PPARGC1B: variants seen among roughly 807,000 people sequenced by gnomAD.
PPARGC1B encodes the protein peroxisome proliferator-activated receptor gamma coactivator 1-beta.
PPARGC1B carries 34 observed loss-of-function variants against 101.6 expected under a neutral mutation model. The ratio of observed to expected loss-of-function variants is 0.33; its 90% CI spans 0.25 to 0.45. The LOEUF is 0.45. PPARGC1B is among the 20% of genes least tolerant of loss of function. PPARGC1B has a pLI of 1.00. For synonymous variants in PPARGC1B, 548 were observed against 539.3 expected, an observed-to-expected ratio of 1.02 and a Z score of -0.22; for missense variants, 1,234 against 1,317.6, an observed-to-expected ratio of 0.94 and a Z score of 0.98.
chr5:149,796,104 C>A (rs1301117156), intron 1 of PPARGC1B, among the ~76,000 whole-genome samples: 1 of 152,152 alleles, frequency 6.6e-6, no homozygotes, highest in Non-Finnish European at 1.5e-5. Flanking sequence ...ACAGAACTAA[C>A]AAGGCCATTT....
chr5:149,840,144 G>T (rs1329935432), intron 9 of PPARGC1B, 28 bp downstream of exon 9: 1 of 1,597,494 alleles, frequency 6.3e-7, no homozygotes, highest in Non-Finnish European at 8.5e-7. Context: ...CCAGAGCCTG[G>T]AGTGAATGGG....
intron 1 of PPARGC1B, among the ~76,000 whole-genome samples, chr5:149,813,821 C>G (rs753783758): frequency 1.3e-5 from 2 of 152,144 alleles, no homozygotes; most frequent in African/African-American, 4.8e-5. Flanking sequence ...ATCGAGGCAC[C>G]GGCAGATTTT....
chr5:149,801,789 G>A (rs1014464475), intron 1 of PPARGC1B, among the ~76,000 whole-genome samples: 1 of 152,112 alleles, frequency 6.6e-6, no homozygotes, highest in African/African-American at 2.4e-5. Flanking sequence ...GAGCATGAAG[G>A]GTTAACTCAG....
chr5:149,744,146 GA>G (rs947365469), intron 1 of PPARGC1B, among the ~76,000 whole-genome samples: 2 of 152,202 alleles, frequency 1.3e-5, no homozygotes, highest in Non-Finnish European at 2.9e-5. Context: ...CCCAGCCCAA[GA>G]AAATGAACTT....
At chr5:149,781,602 C>T (rs899064255) in intron 1 of PPARGC1B, among the ~76,000 whole-genome samples, 3 of 152,300 alleles carry the variant, frequency 2.0e-5, no homozygotes, top group East Asian at 1.9e-4. Flanking sequence ...ATCATGCTGC[C>T]GTTTGAGTGG....
chr5:149,800,223 G>GT, intron 1 of PPARGC1B, among the ~76,000 whole-genome samples: 1 of 152,260 alleles, frequency 6.6e-6, no homozygotes, highest in Non-Finnish European at 1.5e-5. Flanking sequence ...TAAAAAAAGT[G>GT]TAAACAGGAT....
intron 3 of PPARGC1B, among the ~76,000 whole-genome samples, chr5:149,828,568 G>A (rs1315455951): frequency 6.6e-6 from 1 of 152,214 alleles, no homozygotes; most frequent in Non-Finnish European, 1.5e-5. Context: ...GGGGCCTTTG[G>A]AGAAGAACCA....
chr5:149,809,495 TAGATAGATAGATA>T (rs1417776866), intron 1 of PPARGC1B, among the ~76,000 whole-genome samples: 3 of 95,386 alleles, frequency 3.1e-5, no homozygotes, highest in African/African-American at 9.3e-5. Flanking sequence ...GATAGATAGA[TAGATAGATAGATA>T]GATAGATAGA....
intron 1 of PPARGC1B, among the ~76,000 whole-genome samples, chr5:149,798,461 C>T (rs1312692810): frequency 6.6e-6 from 1 of 152,164 alleles, no homozygotes; most frequent in Non-Finnish European, 1.5e-5. Flanking sequence ...ACCATGCCTC[C>T]TGTGTATGCC....
Position 149,744,876 on chromosome 5 carries a change from T to G in PPARGC1B, c.78+14456T>G, listed in dbSNP as rs571775921. ...CTTAGTGATTCATAAGAGCTTGGGCTTTAGAGTCTGGTTCAAATTTTAGCT... is the reference window on the plus strand; with the variant it reads ...CTTAGTGATTCATAAGAGCTTGGGCGTTAGAGTCTGGTTCAAATTTTAGCT... On this transcript the variant is annotated intron_variant, in intron 1 of 11. Transcript: ENST00000309241. Among the ~76,000 whole-genome samples the G allele has an allele frequency of 2.6e-5, 4 of 152,114 alleles. No homozygotes were observed. In the South Asian group the frequency reaches 8.3e-4, roughly 32 times the overall value.
intron 1 of PPARGC1B, among the ~76,000 whole-genome samples, chr5:149,769,891 A>C (rs1240039740): frequency 6.6e-6 from 1 of 152,056 alleles, no homozygotes; most frequent in Non-Finnish European, 1.5e-5. Flanking sequence ...CTCTGATCAC[A>C]CTAGGCCCAC....
At chr5:149,817,481 C>G (rs974800993) in intron 1 of PPARGC1B, 1 of 340,124 alleles carries the variant, frequency 2.9e-6, no homozygotes, top group Non-Finnish European at 5.8e-6. Flanking sequence ...GATCCTGTCT[C>G]TAAACACAAA....
chr5:149,790,376 C>T (rs1042379006), intron 1 of PPARGC1B, among the ~76,000 whole-genome samples: 2 of 152,092 alleles, frequency 1.3e-5, no homozygotes, highest in Non-Finnish European at 2.9e-5. Flanking sequence ...ATCAGGCTCA[C>T]TTAATCTCCC....
chr5:149,773,587 G>A (rs1214726664), intron 1 of PPARGC1B, among the ~76,000 whole-genome samples: 1 of 152,234 alleles, frequency 6.6e-6, no homozygotes, highest in East Asian at 1.9e-4. Flanking sequence ...TTCACAGACA[G>A]GGGTCAGGAG....
At chr5:149,764,832 A>C (rs1755846180) in intron 1 of PPARGC1B, among the ~76,000 whole-genome samples, 1 of 152,258 alleles carries the variant, frequency 6.6e-6, no homozygotes, top group Non-Finnish European at 1.5e-5. Flanking sequence ...GGAAGTTGGC[A>C]TGAAAACCAT....
At chr5:149,840,436 G>T (rs917250310) in intron 9 of PPARGC1B, among the ~76,000 whole-genome samples, 8 of 150,198 alleles carry the variant, frequency 5.3e-5, no homozygotes, top group Non-Finnish European at 1.0e-4. Flanking sequence ...TGGTAGTGGG[G>T]AGCAGAGCCA....
chr5:149,843,983 T>C (rs1759449389), intron 10 of PPARGC1B, among the ~76,000 whole-genome samples: 1 of 152,198 alleles, frequency 6.6e-6, no homozygotes. Flanking sequence ...TGCCAGGGGC[T>C]GCAGAGAGGA....
intron 2 of PPARGC1B, among the ~76,000 whole-genome samples, chr5:149,822,410 A>G (rs1010632628): frequency 2.0e-5 from 3 of 151,756 alleles, no homozygotes; most frequent in Non-Finnish European, 4.4e-5. Flanking sequence ...TGGGCTGCAC[A>G]CTCCACCAGC....
At chr5:149,781,189 A>G in intron 1 of PPARGC1B, among the ~76,000 whole-genome samples, 1 of 146,118 alleles carries the variant, frequency 6.8e-6, no homozygotes, top group African/African-American at 2.6e-5. Flanking sequence ...TGAGTGACAG[A>G]GCGAGACTTC....
Sources: gnomAD v4.1 joint callset for allele counts (sites outside exome capture counted in the v4.1 genomes callset) on GRCh38, gnomAD v4.1.1 for gene constraint, MANE v1.5 for transcripts, NCBI Gene and HGNC (gene_info 2026-07-23, HGNC 2026-07-21) for gene names.